The following NT5DC3 variants were observed in gnomAD, a reference collection of about 807,000 sequenced individuals.
NT5DC3 encodes 5'-nucleotidase domain-containing protein 3.
A neutral mutation model predicts 67.8 loss-of-function variants in NT5DC3; 42 were observed. That is an observed-to-expected ratio of 0.62 (90% CI 0.48 to 0.80). The LOEUF (loss-of-function observed/expected upper bound fraction) is 0.80. Ranked by LOEUF, NT5DC3 falls within the 30% of genes least tolerant of loss-of-function variation. NT5DC3 has a pLI of 0.00. For synonymous variants in NT5DC3, 237 were observed against 255.6 expected, an observed-to-expected ratio of 0.93 and a Z score of 0.69; for missense variants, 570 against 696.4, an observed-to-expected ratio of 0.82 and a Z score of 2.04.
At chr12:103,794,148 C>T (rs528359674) in intron 6 of NT5DC3, 151 bp from the exon 7 acceptor site, 432 of 488,874 alleles carry the variant, frequency 8.8e-4, no homozygotes, top group East Asian at 3.5e-3. Context: ...CCATTTTCTT[C>T]TTCTTTTTTT....
downstream of NT5DC3, chr12:103,771,366 A>T (rs541521471): frequency 7.9e-5 from 12 of 152,336 alleles, no homozygotes; most frequent in Middle Eastern, 3.4e-3. Context: ...TGTCACAAAA[A>T]TTTTTTGTGG....
intron 4 of NT5DC3, among the ~76,000 whole-genome samples, chr12:103,800,085 C>T (rs1235837629): frequency 6.6e-6 from 1 of 152,232 alleles, no homozygotes; most frequent in African/African-American, 2.4e-5. Flanking sequence ...ACTAACACAA[C>T]AGGTTGCTTA....
At chr12:103,756,740 G>A in the NT5DC3 span, among the ~76,000 whole-genome samples, 5 of 152,010 alleles carry the variant, frequency 3.3e-5, no homozygotes, top group African/African-American at 9.7e-5. Context: ...TGAGTATAGG[G>A]CTTGTAGGAT....
chr12:103,771,923 T>C (rs542602846), downstream of NT5DC3, among the ~76,000 whole-genome samples: 4 of 152,196 alleles, frequency 2.6e-5, no homozygotes, highest in East Asian at 7.7e-4. Flanking sequence ...TGGGACAGAT[T>C]TGCTAGTGAG....
At chr12:103,779,831 A>C (rs1023014786) in intron 13 of NT5DC3, among the ~76,000 whole-genome samples, 1 of 152,198 alleles carries the variant, frequency 6.6e-6, no homozygotes, top group Non-Finnish European at 1.5e-5. Context: ...TTTCTTTATC[A>C]GTTAACATCC....
chr12:103,838,232 G>T (rs1405022061), intron 1 of NT5DC3, among the ~76,000 whole-genome samples: 1 of 152,184 alleles, frequency 6.6e-6, no homozygotes, highest in Non-Finnish European at 1.5e-5. Context: ...AAGTACATGG[G>T]AATTCTGGGA....
In NT5DC3 at chr12:103,786,681, A is replaced by ATTTTTTTTTTTTTT. The variant is rs3036176; in HGVS notation, c.1188+746_1188+759dup. Among the ~76,000 whole-genome samples, 3 of 132,376 alleles carry ATTTTTTTTTTTTTT rather than the reference A, an allele frequency of 2.3e-5. 1 individual carries two copies. Among genetic ancestry groups the ATTTTTTTTTTTTTT allele is most frequent in the African/African-American group, 8.4e-5 (3 of 35,650 alleles). The allele number at this position is 132,376 out of a possible 152,430, so 86.8% of individuals were successfully genotyped here. ...GATGCCCACCTTCCTCACTGGTTTG[A>ATTTTTTTTTTTTTT]TTTTTTTTTTTTTTTTTTTGAGGCA... On this transcript the variant is annotated intron_variant, in intron 11 of 13. Coordinates refer to ENST00000392876, the MANE Select transcript of NT5DC3 (RefSeq NM_001031701.3).
At position 103,793,239 on chromosome 12, in the gene NT5DC3, C is replaced by T. The variant is rs996711357; in HGVS notation, c.944G>A (p.Gly315Glu). ...FVDKGMSYIV[G>E]KDWRDLFDVV... ...ATCGAACAGGTCCCTCCAGTCTTTC[C>T]CAACGATATAACTCATCCCTTTGTC... The change falls in exon 9 of 14, where the codon GGG becomes GAG. Residue 315 changes from glycine to glutamate, a missense_variant. This residue lies in a region of NT5DC3 where 466 missense variants were observed against 608.0 expected (regional missense o/e 0.77). Coordinates refer to ENST00000392876, the MANE Select transcript of NT5DC3 (RefSeq NM_001031701.3). 34 of 1,610,614 alleles carry T rather than the reference C, an allele frequency of 2.1e-5. No individual in the cohort carries two copies. Among genetic ancestry groups the T allele is most frequent in the Non-Finnish European group, 2.7e-5 (32 of 1,179,236 alleles).
intron 6 of NT5DC3, among the ~76,000 whole-genome samples, 166 bp from the exon 7 acceptor site, chr12:103,794,163 T>C (rs1886199752): frequency 9.7e-6 from 1 of 103,212 alleles, no homozygotes; most frequent in Non-Finnish European, 2.0e-5. Context: ...TTTTTTTTTT[T>C]TTTTGAGACA....
Position 103,841,039 on chromosome 12 carries a change from C to A in NT5DC3, c.118G>T (p.Ala40Ser). ...CCGGGTGCAGTGCACAAGGGCCGGGCGGGGCCCGCACACGGCCGCCCCCGA... is the reference window on the plus strand; with the variant it reads ...CCGGGTGCAGTGCACAAGGGCCGGGAGGGGCCCGCACACGGCCGCCCCCGA... ...AARGRPCAGP[A>S]RPLCTAPGTA... The change falls in exon 1 of 14, where the codon GCC becomes TCC. Residue 40 changes from alanine to serine, a missense_variant. Physicochemically the swap from Ala to Ser is moderately conservative, Grantham distance 99 (BLOSUM62 1). This residue lies in a region of NT5DC3 where 104 missense variants were observed against 88.4 expected (regional missense o/e 1.18). Transcript: ENST00000392876. The A allele has an allele frequency of 7.9e-7, 1 of 1,265,330 alleles. No homozygotes were observed. 78.4% of individuals were successfully genotyped at this position (1,265,330 alleles called of 1,614,324 possible).
intron 13 of NT5DC3, 82 bp downstream of exon 13, chr12:103,780,218 G>A (rs1885491426): frequency 8.6e-7 from 1 of 1,164,946 alleles, no homozygotes; most frequent in Non-Finnish European, 1.3e-6. Flanking sequence ...TATGCCTCAG[G>A]CTGGCCCTGG....
chr12:103,796,770 TAA>T, intron 6 of NT5DC3, 122 bp downstream of exon 6: 2 of 926,410 alleles, frequency 2.2e-6, no homozygotes, highest in Admixed American at 2.2e-5. Context: ...AAACCACATA[TAA>T]GAGTTCCCAG....
intron 4 of NT5DC3, among the ~76,000 whole-genome samples, chr12:103,801,362 T>A (rs1237147758): frequency 6.7e-6 from 1 of 149,844 alleles, no homozygotes; most frequent in South Asian, 2.1e-4. Context: ...ATGACTTGCT[T>A]TGGGGTGGGC....
Position 103,806,354 on chromosome 12 carries a change from A to G in NT5DC3, c.492T>C (p.Ala164=). The change falls in exon 4 of 14, where the codon GCT becomes GCC. Residue 164 remains alanine, a synonymous_variant. Coordinates refer to ENST00000392876, the MANE Select transcript of NT5DC3 (RefSeq NM_001031701.3). ...CAGTTCCCAGCTGGATATAATGAAA[A>G]GCATCGATCTTCATTAATACTGCCT... The part of the protein sequence containing the change: ...VQRAVLMKID[A]FHYIQLGTVY... 1 of 1,604,916 alleles carries G rather than the reference A, an allele frequency of 6.2e-7. No homozygotes were observed. The highest frequency in any genetic ancestry group is 8.5e-7 in the Non-Finnish European group (1 of 1,171,674).
the NT5DC3 span, chr12:103,755,427 C>T: frequency 1.5e-4 from 245 of 1,614,014 alleles, no homozygotes; most frequent in Non-Finnish European, 2.0e-4. Flanking sequence ...CTAGACCCAA[C>T]AAGAGTGAAA....
At chr12:103,765,950 AG>A (rs1884924081), downstream of NT5DC3, 1 of 401,938 alleles carries the variant, frequency 2.5e-6, no homozygotes, top group Non-Finnish European at 4.8e-6. Context: ...ACCTTTTGTG[AG>A]GTGCTTATAC....
chr12:103,803,919 C>T (rs1886692011), intron 4 of NT5DC3, among the ~76,000 whole-genome samples: 1 of 148,972 alleles, frequency 6.7e-6, no homozygotes, highest in South Asian at 2.2e-4. Flanking sequence ...TTAAGAAAGG[C>T]CACACAGCAT....
chr12:103,757,048 G>T, the NT5DC3 span, among the ~76,000 whole-genome samples: 1 of 141,472 alleles, frequency 7.1e-6, no homozygotes, highest in Non-Finnish European at 1.5e-5. Flanking sequence ...ATATATTAAA[G>T]TATGTAAATA....
chr12:103,840,396 A>C (rs1350581563), intron 1 of NT5DC3, among the ~76,000 whole-genome samples: 2 of 143,842 alleles, frequency 1.4e-5, no homozygotes, highest in African/African-American at 5.2e-5. Flanking sequence ...ATCTCATCTC[A>C]TCTCATCTCA....
Sources: allele counts gnomAD v4.1 joint callset (sites outside exome capture counted in the v4.1 genomes callset), GRCh38; gene constraint gnomAD v4.1.1; regional missense constraint gnomAD v4.1.1; transcripts MANE v1.5; gene names NCBI Gene and HGNC (gene_info 2026-07-23, HGNC 2026-07-21).